GABRR1: variants seen among roughly 807,000 people sequenced by gnomAD.
GABRR1 encodes the protein gamma-aminobutyric acid receptor subunit rho-1.
A neutral mutation model predicts 55.5 loss-of-function variants in GABRR1; 59 were observed. That is an observed-to-expected ratio of 1.06 (90% CI 0.86 to 1.32). The LOEUF (loss-of-function observed/expected upper bound fraction) is 1.32, where lower values mean the gene tolerates loss of function less well. GABRR1 is among the 40% of genes most tolerant of loss of function. The pLI, the probability that GABRR1 is intolerant of heterozygous loss-of-function variation, is 0.00. For missense variants in GABRR1, 602 were observed against 619.1 expected (o/e 0.97, Z 0.29); for synonymous variants, 213 against 226.0 (o/e 0.94, Z 0.51).
At chr6:89,219,543 G>A (rs1318073238), upstream of GABRR1, among the ~76,000 whole-genome samples, 2 of 152,190 alleles carry the variant, frequency 1.3e-5, no homozygotes, top group Non-Finnish European at 2.9e-5. Flanking sequence ...ACTTTGAAAT[G>A]AGCAAAATAG....
At chr6:89,218,590 GT>G (rs1203793401), upstream of GABRR1, among the ~76,000 whole-genome samples, 3 of 152,136 alleles carry the variant, frequency 2.0e-5, no homozygotes, top group East Asian at 5.8e-4. Flanking sequence ...CAATATAGTT[GT>G]TTGCATAGGT....
chr6:89,206,900 G>A (rs1444359428), intron 1 of GABRR1, among the ~76,000 whole-genome samples: 1 of 152,130 alleles, frequency 6.6e-6, no homozygotes, highest in Admixed American at 6.5e-5. Context: ...TTATATTTGT[G>A]AGCCACCATG....
intron 6 of GABRR1, among the ~76,000 whole-genome samples, chr6:89,188,433 TTC>T (rs1182290991): frequency 6.6e-6 from 1 of 152,242 alleles, no homozygotes; most frequent in Non-Finnish European, 1.5e-5. Context: ...CAGAATTGTT[TTC>T]TGTTTTGTTG....
At chr6:89,217,952 C>T (rs1488027943), upstream of GABRR1, among the ~76,000 whole-genome samples, 2 of 152,136 alleles carry the variant, frequency 1.3e-5, no homozygotes, top group Admixed American at 6.5e-5. Context: ...AGTAAATTTC[C>T]TTGTCAGTTG....
chr6:89,221,927 A>G (rs557623523), upstream of GABRR1, among the ~76,000 whole-genome samples: 1 of 152,344 alleles, frequency 6.6e-6, no homozygotes, highest in East Asian at 1.9e-4. Flanking sequence ...AATAAAAAGA[A>G]TAGCATTTCT....
chr6:89,210,861 A>G (rs1772813294), intron 1 of GABRR1, among the ~76,000 whole-genome samples: 1 of 152,162 alleles, frequency 6.6e-6, no homozygotes, highest in Non-Finnish European at 1.5e-5. Flanking sequence ...CCTTGGAGAG[A>G]AGGGTGGTGG....
At position 89,201,380 on chromosome 6, in the gene GABRR1, T is replaced by C. The variant is rs1772466889; in HGVS notation, c.174-115A>G. 2.6e-5 allele frequency: 18 copies of C among 681,412 alleles called. 1 individual carries two copies. The South Asian group carries it at 3.2e-4, about 12-fold the overall frequency. 42.2% of individuals were successfully genotyped at this position (681,412 alleles called of 1,614,324 possible). A position where few individuals can be genotyped will look rare whatever the true frequency, so the allele number is the denominator to read the frequency against. On this transcript the variant is annotated intron_variant, in intron 2 of 9. Coordinates refer to ENST00000454853, the MANE Select transcript of GABRR1 (RefSeq NM_002042.5). ...TGATGGGGTGTGCTATTTCTTCTTT[T>C]AAGCTATTGGACATCCCCTCTTTCT... is the stretch of plus-strand genomic sequence containing the variant.
intron 7 of GABRR1, 76 bp downstream of exon 7, chr6:89,185,234 T>C (rs1771864354): frequency 6.3e-7 from 1 of 1,581,228 alleles, no homozygotes; most frequent in Admixed American, 1.7e-5. Context: ...AATTCAAACC[T>C]TTCCTATAAT....
chr6:89,216,408 T>C (rs555486350), intron 1 of GABRR1, among the ~76,000 whole-genome samples: 99 of 152,364 alleles, frequency 6.5e-4, no homozygotes, highest in Middle Eastern at 3.4e-3. Context: ...AACGCCCTAC[T>C]GTCTCCATTT....
upstream of GABRR1, among the ~76,000 whole-genome samples, chr6:89,220,780 G>T (rs1236024575): frequency 6.6e-6 from 1 of 152,066 alleles, no homozygotes; most frequent in Non-Finnish European, 1.5e-5. Context: ...GAGTGCAATG[G>T]CATGATCTCA....
At chr6:89,196,481 T>C (rs917838039) in intron 5 of GABRR1, among the ~76,000 whole-genome samples, 28 of 152,098 alleles carry the variant, frequency 1.8e-4, no homozygotes, top group Admixed American at 1.6e-3. Context: ...TGAAAACCGG[T>C]CTCAGTGGGC....
At chr6:89,185,498 G>C in intron 6 of GABRR1, 48 bp from the exon 7 acceptor site, 1 of 1,553,316 alleles carries the variant, frequency 6.4e-7, no homozygotes, top group Non-Finnish European at 8.9e-7. Context: ...GGCAAGACAG[G>C]ATGGTCTGTG....
intron 2 of GABRR1, among the ~76,000 whole-genome samples, chr6:89,201,883 T>C (rs1211201260): frequency 6.6e-6 from 1 of 152,194 alleles, no homozygotes; most frequent in African/African-American, 2.4e-5. Context: ...CAGATGATTT[T>C]AATGTGTAAC....
chr6:89,198,560 G>A (rs1772373851), intron 4 of GABRR1, among the ~76,000 whole-genome samples: 1 of 152,102 alleles, frequency 6.6e-6, no homozygotes, highest in African/African-American at 2.4e-5. Flanking sequence ...AGCCACAGAT[G>A]CCAGAAAGTT....
At chr6:89,224,248 C>T (rs182479335) in intron 1 of GABRR1, among the ~76,000 whole-genome samples, 69 of 151,798 alleles carry the variant, frequency 4.5e-4, no homozygotes, top group African/African-American at 1.2e-3. Context: ...TGCATTACCA[C>T]GCCCAGCTAA....
upstream of GABRR1, chr6:89,217,740 TCC>T (rs1773033535): frequency 1.8e-5 from 3 of 163,766 alleles, no homozygotes; most frequent in Admixed American, 6.1e-5. Flanking sequence ...GTTAATGAGC[TCC>T]TCCCTGGATC....
chr6:89,193,114 C>G (rs952660263), intron 5 of GABRR1, among the ~76,000 whole-genome samples: 1 of 152,164 alleles, frequency 6.6e-6, no homozygotes, highest in Non-Finnish European at 1.5e-5. Flanking sequence ...GTCTCCTCCA[C>G]TAGCCTGCAG....
At chr6:89,185,533 A>G in intron 6 of GABRR1, 83 bp from the exon 7 acceptor site, 1 of 1,165,530 alleles carries the variant, frequency 8.6e-7, no homozygotes. Flanking sequence ...CTGTGTCCTG[A>G]CCTCCCACAC....
At chr6:89,199,253 A>C in intron 4 of GABRR1, 109 bp downstream of exon 4, 1 of 963,306 alleles carries the variant, frequency 1.0e-6, no homozygotes, top group Non-Finnish European at 1.6e-6. Context: ...GGGGATTCCC[A>C]CCGCCCAGGG....
Sources: gnomAD v4.1 joint callset for allele counts (sites outside exome capture counted in the v4.1 genomes callset) on GRCh38, gnomAD v4.1.1 for gene constraint, MANE v1.5 for transcripts, NCBI Gene and HGNC (gene_info 2026-07-23, HGNC 2026-07-21) for gene names.